FMN1: variants seen among roughly 807,000 people sequenced by gnomAD.
FMN1 encodes formin-1.
In FMN1, 110 loss-of-function variants were observed where a neutral mutation model predicts 132.4. That is an observed-to-expected ratio of 0.83 (90% CI 0.71 to 0.97). The LOEUF is 0.97. FMN1 is among the 50% of genes least tolerant of loss of function. The probability of loss-of-function intolerance (pLI) is 0.00; values close to 1 mark genes in which losing one functional copy is unlikely to be tolerated. For synonymous variants in FMN1, 722 were observed against 651.7 expected, an observed-to-expected ratio of 1.11 and a Z score of -1.64; for missense variants, 1,792 against 1,705.3, an observed-to-expected ratio of 1.05 and a Z score of -0.90.
intron 6 of FMN1, among the ~76,000 whole-genome samples, chr15:33,046,701 G>A (rs1055130156): frequency 2.6e-5 from 4 of 152,126 alleles, no homozygotes; most frequent in African/African-American, 9.7e-5. Flanking sequence ...CCAGAAACCT[G>A]ACATACTGGC....
At chr15:33,065,929 C>T (rs2141250721) in intron 5 of FMN1, among the ~76,000 whole-genome samples, 1 of 152,242 alleles carries the variant, frequency 6.6e-6, no homozygotes, top group Admixed American at 6.5e-5. Flanking sequence ...ATTTTATTTT[C>T]CTCATTTTGC....
intron 7 of FMN1, among the ~76,000 whole-genome samples, chr15:33,003,713 CA>C (rs1405238162): frequency 6.6e-6 from 1 of 152,076 alleles, no homozygotes; most frequent in Non-Finnish European, 1.5e-5. Context: ...CACATGGAAC[CA>C]AAAAAGAGCC....
intron 4 of FMN1, 60 bp downstream of exon 4, chr15:33,152,988 A>C: frequency 1.4e-6 from 2 of 1,405,656 alleles, no homozygotes; most frequent in Non-Finnish European, 1.9e-6. Context: ...TAGCACAGGC[A>C]GACTGATAGT....
chr15:32,799,299 A>ATAAACAC (rs2057398402), intron 18 of FMN1, among the ~76,000 whole-genome samples: 1 of 152,166 alleles, frequency 6.6e-6, no homozygotes, highest in Non-Finnish European at 1.5e-5. Flanking sequence ...TAGTGATTAC[A>ATAAACAC]TGCAAGGTGG....
chr15:32,998,011 C>G (rs948239106), intron 7 of FMN1, among the ~76,000 whole-genome samples: 2 of 152,224 alleles, frequency 1.3e-5, no homozygotes, highest in Non-Finnish European at 2.9e-5. Flanking sequence ...GTCACAATCT[C>G]AGATGTCTAC....
chr15:32,992,196 T>C (rs956968691), intron 7 of FMN1, among the ~76,000 whole-genome samples: 1 of 152,220 alleles, frequency 6.6e-6, no homozygotes. Flanking sequence ...CCATTTGGTT[T>C]TGGCAATCCA....
chr15:32,881,892 T>C (rs1023050568), intron 16 of FMN1, among the ~76,000 whole-genome samples: 1 of 152,204 alleles, frequency 6.6e-6, no homozygotes, highest in Non-Finnish European at 1.5e-5. Flanking sequence ...TAACAAAACC[T>C]TGCAGGTTGC....
intron 9 of FMN1, among the ~76,000 whole-genome samples, chr15:32,928,770 C>T (rs955644659): frequency 3.9e-5 from 6 of 152,166 alleles, no homozygotes; most frequent in African/African-American, 1.4e-4. Context: ...AGCTGGGTTG[C>T]AAAAGTTTCT....
chr15:32,997,811 T>G (rs142631408), intron 7 of FMN1, among the ~76,000 whole-genome samples: 3 of 152,088 alleles, frequency 2.0e-5, no homozygotes, highest in African/African-American at 7.2e-5. Flanking sequence ...TTCAATTCCT[T>G]CAATAGCCCT....
At chr15:32,856,746 CAA>C (rs1384225885) in intron 17 of FMN1, among the ~76,000 whole-genome samples, 1 of 152,096 alleles carries the variant, frequency 6.6e-6, no homozygotes, top group African/African-American at 2.4e-5. Flanking sequence ...CATGAAGAGA[CAA>C]AAAAGTTTGT....
rs558972077 is a variant in FMN1 at position 32,822,297 on chromosome 15, C to T, written c.3929-17965G>A. On this transcript the variant is annotated intron_variant, in intron 17 of 20. Transcript: ENST00000616417. ...CCAGGAGGTGGAGGTTGCAGTGAGC[C>T]GAGATTGCAGCACTGCACTCCAGGC... is the stretch of plus-strand genomic sequence containing the variant. Among the ~76,000 whole-genome samples the T allele has an allele frequency of 7.9e-5, 12 of 152,248 alleles. No individual in the cohort carries two copies. The South Asian group carries it at 2.3e-3, about 29-fold the overall frequency.
At chr15:33,181,627 G>A (rs1398790394) in intron 2 of FMN1, among the ~76,000 whole-genome samples, 1 of 151,810 alleles carries the variant, frequency 6.6e-6, no homozygotes, top group African/African-American at 2.4e-5. Flanking sequence ...TTTATTCTAA[G>A]TTCAATGGAA....
intron 17 of FMN1, among the ~76,000 whole-genome samples, chr15:32,848,979 T>C (rs560262293): frequency 1.0e-4 from 11 of 110,516 alleles, no homozygotes; most frequent in African/African-American, 4.4e-4. Context: ...TCTCTTTTGT[T>C]TTTTTTTTTT....
At chr15:33,095,743 A>G (rs140155124) in intron 4 of FMN1, among the ~76,000 whole-genome samples, 556 of 152,292 alleles carry the variant, frequency 3.7e-3, no homozygotes, top group Middle Eastern at 6.8e-3. Context: ...AAATTTGAAT[A>G]ACATTTTCCC....
intron 7 of FMN1, among the ~76,000 whole-genome samples, chr15:32,970,446 C>G (rs2031684584): frequency 6.6e-6 from 1 of 152,146 alleles, no homozygotes; most frequent in Admixed American, 6.5e-5. Flanking sequence ...TATTGTCTTT[C>G]TATCTGTATC....
Position 32,964,367 on chromosome 15 carries a change from C to G in FMN1, c.2988-110G>C, listed in dbSNP as rs138422006. ...TTAATTTCATTTTTCTAAAAAAACA[C>G]ATAAAACTCTAATAATGCTTGGAGA... is the stretch of plus-strand genomic sequence containing the variant. On this transcript the variant is annotated intron_variant, in intron 8 of 20. Transcript: ENST00000616417. 2,515 of 796,240 alleles carry G rather than the reference C, an allele frequency of 3.2e-3. 36 individuals carry two copies. The highest frequency in any genetic ancestry group is 0.03 in the African/African-American group (1,753 of 58,572). The allele number at this position is 796,240 out of a possible 1,614,324, so 49.3% of individuals were successfully genotyped here. A position where few individuals can be genotyped will look rare whatever the true frequency, so the allele number is the denominator to read the frequency against.
chr15:32,806,463 T>C (rs1463111990), intron 17 of FMN1, among the ~76,000 whole-genome samples: 1 of 152,240 alleles, frequency 6.6e-6, no homozygotes, highest in Non-Finnish European at 1.5e-5. Flanking sequence ...CCATGGCAGG[T>C]ATTAATACTA....
At chr15:33,118,035 T>C (rs1369225679) in intron 4 of FMN1, among the ~76,000 whole-genome samples, 1 of 152,202 alleles carries the variant, frequency 6.6e-6, no homozygotes, top group African/African-American at 2.4e-5. Flanking sequence ...GTTGTGAATT[T>C]GCAAAAATTT....
At chr15:32,946,184 C>T (rs901326907) in intron 9 of FMN1, among the ~76,000 whole-genome samples, 4 of 152,176 alleles carry the variant, frequency 2.6e-5, no homozygotes, top group Admixed American at 6.5e-5. Context: ...ACATTTCCCC[C>T]GTAATTAGTC....
Sources: gnomAD v4.1 joint callset for allele counts (sites outside exome capture counted in the v4.1 genomes callset) on GRCh38, gnomAD v4.1.1 for gene constraint, MANE v1.5 for transcripts, NCBI Gene and HGNC (gene_info 2026-07-23, HGNC 2026-07-21) for gene names.